MOB1B: variants seen among roughly 807,000 people sequenced by gnomAD.
MOB1B encodes MOB kinase activator 1B.
MOB1B carries 19 observed loss-of-function variants against 24.4 expected under a neutral mutation model. The ratio of observed to expected loss-of-function variants is 0.78; its 90% CI spans 0.54 to 1.14. MOB1B has a LOEUF of 1.14. Ranked by LOEUF, MOB1B falls within the 50% of genes most tolerant of loss-of-function variation. The probability of loss-of-function intolerance (pLI) is 0.00; values close to 1 mark genes in which losing one functional copy is unlikely to be tolerated. For synonymous variants in MOB1B, 76 were observed against 82.1 expected, an observed-to-expected ratio of 0.93 and a Z score of 0.40; for missense variants, 243 against 259.6, an observed-to-expected ratio of 0.94 and a Z score of 0.44.
intron 1 of MOB1B, among the ~76,000 whole-genome samples, chr4:70,939,451 G>A (rs1002031781): frequency 2.0e-5 from 3 of 152,198 alleles, no homozygotes; most frequent in African/African-American, 7.2e-5. Context: ...CACAGGCCAA[G>A]GTGGGCGGAT....
intron 1 of MOB1B, among the ~76,000 whole-genome samples, chr4:70,905,834 G>C (rs181525419): frequency 1.3e-5 from 2 of 151,624 alleles, no homozygotes; most frequent in Admixed American, 1.3e-4. Context: ...GGAGGCTGAG[G>C]TGAGTGGATC....
At chr4:70,969,865 T>G in intron 2 of MOB1B, 66 bp from the exon 3 acceptor site, 1 of 901,912 alleles carries the variant, frequency 1.1e-6, no homozygotes. Flanking sequence ...TCTGTTCAAG[T>G]ACAATTAAAA....
chr4:70,980,204 C>T (rs1010385420), intron 5 of MOB1B, among the ~76,000 whole-genome samples: 3 of 152,184 alleles, frequency 2.0e-5, no homozygotes, highest in Non-Finnish European at 2.9e-5. Flanking sequence ...TATAAACATA[C>T]TTTAGGAGAT....
chr4:70,937,961 GTGTTC>G (rs1737153920), intron 1 of MOB1B, among the ~76,000 whole-genome samples: 1 of 151,416 alleles, frequency 6.6e-6, no homozygotes, highest in Non-Finnish European at 1.5e-5. Flanking sequence ...TTTTAATGTG[GTGTTC>G]TGTTCTCAGT....
chr4:70,950,829 G>T, intron 1 of MOB1B: 3 of 1,336,984 alleles, frequency 2.2e-6, no homozygotes, highest in South Asian at 1.3e-5. Flanking sequence ...CCTAGAGGCG[G>T]AGCAGAGAGA....
At chr4:70,958,333 T>G (rs1738155377) in intron 1 of MOB1B, among the ~76,000 whole-genome samples, 1 of 151,734 alleles carries the variant, frequency 6.6e-6, no homozygotes, top group African/African-American at 2.4e-5. Context: ...CCTGGCTAAT[T>G]TTTTTGCATT....
At position 70,903,974 on chromosome 4, in the gene MOB1B, C is replaced by CTTTTTTTT. The variant is rs754257097; in HGVS notation, c.14+1441_14+1448dup. 4.7e-4 allele frequency among the ~76,000 whole-genome samples: 38 copies of CTTTTTTTT among 81,010 alleles called. 1 individual carries two copies. Among genetic ancestry groups the CTTTTTTTT allele is most frequent in the Non-Finnish European group, 5.3e-4 (26 of 48,600 alleles). The allele number at this position is 81,010 out of a possible 152,430, so 53.1% of individuals were successfully genotyped here. A position where few individuals can be genotyped will look rare whatever the true frequency, so the allele number is the denominator to read the frequency against. On this transcript the variant is annotated intron_variant, in intron 1 of 5. Coordinates refer to ENST00000309395, the MANE Select transcript of MOB1B (RefSeq NM_173468.4). ...AAAGTCCTTGTTTCTTATTTTAGTTCTTTTTTTTTTTTTTTTTTTTTTTTG... is the reference window on the plus strand; with the variant it reads ...AAAGTCCTTGTTTCTTATTTTAGTTCTTTTTTTTTTTTTTTTTTTTTTTTTTTTTTTTG...
chr4:70,928,817 G>A (rs1408603644), intron 1 of MOB1B, among the ~76,000 whole-genome samples: 1 of 152,140 alleles, frequency 6.6e-6, no homozygotes, highest in Admixed American at 6.5e-5. Flanking sequence ...TGAACTCCTA[G>A]GTTCAAGTGA....
At chr4:70,972,697 G>A (rs916272582) in intron 3 of MOB1B, among the ~76,000 whole-genome samples, 1 of 152,184 alleles carries the variant, frequency 6.6e-6, no homozygotes, top group African/African-American at 2.4e-5. Context: ...GTATAAACAC[G>A]ATGAAAGAAA....
chr4:70,945,862 T>G (rs1737551581), intron 1 of MOB1B, among the ~76,000 whole-genome samples: 1 of 152,086 alleles, frequency 6.6e-6, no homozygotes, highest in South Asian at 2.1e-4. Context: ...TAGACATTAT[T>G]TGGTGAATAA....
intron 2 of MOB1B, 28 bp from the exon 3 acceptor site, chr4:70,969,903 T>A (rs760977933): frequency 7.5e-7 from 1 of 1,325,090 alleles, no homozygotes. Flanking sequence ...CCATTCTGTT[T>A]TACTTACAAC....
chr4:70,964,925 C>T (rs1188293227), intron 2 of MOB1B, among the ~76,000 whole-genome samples: 3 of 143,878 alleles, frequency 2.1e-5, no homozygotes, highest in African/African-American at 7.7e-5. Flanking sequence ...AGTGAAACTC[C>T]GTCTCAAAAA....
intron 1 of MOB1B, among the ~76,000 whole-genome samples, chr4:70,946,543 A>C (rs1640358139): frequency 1.3e-5 from 2 of 152,198 alleles, no homozygotes; most frequent in African/African-American, 2.4e-5. Context: ...CAAGGGGATA[A>C]AGTCAGAAAG....
intron 3 of MOB1B, among the ~76,000 whole-genome samples, chr4:70,974,483 G>T (rs1738896346): frequency 6.6e-6 from 1 of 151,992 alleles, no homozygotes; most frequent in South Asian, 2.1e-4. Context: ...CTTGAGAGTA[G>T]GGAAAGTGTC....
At chr4:70,936,780 A>G (rs1371822624) in intron 1 of MOB1B, among the ~76,000 whole-genome samples, 3 of 152,204 alleles carry the variant, frequency 2.0e-5, no homozygotes, top group Non-Finnish European at 4.4e-5. Context: ...ATATCTGAAC[A>G]TACCCTCATA....
Position 70,985,248 on chromosome 4 carries a change from T to C in MOB1B, c.*3191T>C, listed in dbSNP as rs930620607. On this transcript the variant is annotated 3_prime_UTR_variant, in exon 6 of 6. Transcript: ENST00000309395. ...CAGGTTTTGATAACCACTGAAATGG[T>C]AGAATATGTGAGATACAAATATTGA... 4 of 152,194 alleles carry C rather than the reference T, an allele frequency of 2.6e-5. No homozygotes were observed. Among genetic ancestry groups the C allele is most frequent in the African/African-American group, 9.7e-5 (4 of 41,442 alleles). 9.4% of individuals were successfully genotyped at this position (152,194 alleles called of 1,614,324 possible).
chr4:70,919,726 T>C (rs1377119659), intron 1 of MOB1B, among the ~76,000 whole-genome samples: 6 of 152,244 alleles, frequency 3.9e-5, no homozygotes, highest in Non-Finnish European at 8.8e-5. Context: ...CTGGAACTCC[T>C]GACCTCAGGT....
chr4:70,919,462 C>T (rs1189227565), intron 1 of MOB1B, among the ~76,000 whole-genome samples: 1 of 152,102 alleles, frequency 6.6e-6, no homozygotes. Flanking sequence ...ACCTCACATT[C>T]TACTGTTCTT....
chr4:70,914,406 A>T (rs1578346183), intron 1 of MOB1B, among the ~76,000 whole-genome samples: 1 of 152,132 alleles, frequency 6.6e-6, no homozygotes, highest in East Asian at 1.9e-4. Flanking sequence ...ACAACAAAAT[A>T]TTTTTTTATC....
Sources: gnomAD v4.1 joint callset for allele counts (sites outside exome capture counted in the v4.1 genomes callset) on GRCh38, gnomAD v4.1.1 for gene constraint, MANE v1.5 for transcripts, NCBI Gene and HGNC (gene_info 2026-07-23, HGNC 2026-07-21) for gene names.